Variants in EFCAB6 observed in about 807,000 individuals in gnomAD.
EFCAB6 encodes EF-hand calcium-binding domain-containing protein 6.
A neutral mutation model predicts 169.8 loss-of-function variants in EFCAB6; 156 were observed. The ratio of observed to expected loss-of-function variants is 0.92; its 90% CI spans 0.81 to 1.05. The LOEUF (loss-of-function observed/expected upper bound fraction) is 1.05. EFCAB6 is among the 50% of genes least tolerant of loss of function. The probability of loss-of-function intolerance (pLI) is 0.00; values close to 1 mark genes in which losing one functional copy is unlikely to be tolerated. For missense variants in EFCAB6, 1,800 were observed against 1,829.1 expected, an observed-to-expected ratio of 0.98 and a Z score of 0.29; for synonymous variants, 698 against 676.4, an observed-to-expected ratio of 1.03 and a Z score of -0.50.
At chr22:43,689,311 C>T (rs1377827174) in intron 10 of EFCAB6, among the ~76,000 whole-genome samples, 1 of 150,706 alleles carries the variant, frequency 6.6e-6, no homozygotes, top group African/African-American at 2.5e-5. Flanking sequence ...AGACGTGAGC[C>T]ACGCGAGGGA....
At position 43,640,074 on chromosome 22, in the gene EFCAB6, T is replaced by G. The variant is rs566285146; in HGVS notation, c.1984-4858A>C. 2.8e-3 allele frequency among the ~76,000 whole-genome samples: 433 copies of G among 152,284 alleles called. 2 individuals carry two copies. The highest frequency in any genetic ancestry group is 0.027 in the Middle Eastern group (8 of 294). On this transcript the variant is annotated intron_variant, in intron 17 of 31. Coordinates refer to ENST00000262726, the MANE Select transcript of EFCAB6 (RefSeq NM_022785.4). ...TATTTTCCTTTGTATCACTGAGCAT[T>G]TTTATAATGGTTACTTTAAAGTCTT...
At chr22:43,705,127 A>G (rs1199524155) in intron 10 of EFCAB6, among the ~76,000 whole-genome samples, 1 of 152,154 alleles carries the variant, frequency 6.6e-6, no homozygotes, top group Non-Finnish European at 1.5e-5. Flanking sequence ...TGTAAAAAGA[A>G]ACAAAGGACA....
Position 43,812,239 on chromosome 22 carries a change from T to C in EFCAB6, c.-216A>G, listed in dbSNP as rs761885143. 10 of 152,392 alleles carry C rather than the reference T, an allele frequency of 6.6e-5. No homozygotes were observed. The highest frequency in any genetic ancestry group is 2.0e-4 in the Admixed American group (3 of 15,306). The allele number at this position is 152,392 out of a possible 1,614,324, so 9.4% of individuals were successfully genotyped here. On this transcript the variant is annotated 5_prime_UTR_variant, in exon 1 of 32. Transcript: ENST00000262726. ...TGCGCGGACCCCAAGCCGCGGGGTC[T>C]CAGAGGGGCTGCCCATTCGGCGTCT... is the stretch of plus-strand genomic sequence containing the variant.
chr22:43,719,494 T>C (rs143439208), intron 8 of EFCAB6, among the ~76,000 whole-genome samples: 52 of 152,276 alleles, frequency 3.4e-4, no homozygotes, highest in African/African-American at 1.2e-3. Flanking sequence ...TTAGCAAAAT[T>C]AATAGAACAC....
intron 2 of EFCAB6, among the ~76,000 whole-genome samples, chr22:43,799,786 TG>T (rs2062638849): frequency 6.6e-6 from 1 of 152,178 alleles, no homozygotes; most frequent in Non-Finnish European, 1.5e-5. Context: ...AAACAGATCT[TG>T]GGGCCACAGC....
chr22:43,534,643 C>A, intron 30 of EFCAB6, 45 bp downstream of exon 30: 2 of 1,539,748 alleles, frequency 1.3e-6, no homozygotes, highest in East Asian at 4.6e-5. Context: ...AATGAAAGCG[C>A]CCCTTTCCAC....
chr22:43,777,304 T>C (rs1225803902), intron 3 of EFCAB6, among the ~76,000 whole-genome samples: 2 of 152,114 alleles, frequency 1.3e-5, no homozygotes, highest in East Asian at 3.9e-4. Flanking sequence ...GGATATACGA[T>C]CGGGAGCTTA....
At chr22:43,783,522 T>C (rs1459199819) in intron 2 of EFCAB6, among the ~76,000 whole-genome samples, 1 of 152,106 alleles carries the variant, frequency 6.6e-6, no homozygotes, top group Non-Finnish European at 1.5e-5. Context: ...AATGCTCCAA[T>C]ACAAAAAGCC....
chr22:43,633,291 T>A (rs914108043), intron 18 of EFCAB6, among the ~76,000 whole-genome samples: 3 of 152,248 alleles, frequency 2.0e-5, no homozygotes, highest in African/African-American at 7.2e-5. Context: ...GGCTCACGCC[T>A]GTAATCCCAG....
intron 28 of EFCAB6, among the ~76,000 whole-genome samples, chr22:43,539,836 G>A (rs1023632964): frequency 2.6e-5 from 4 of 152,228 alleles, no homozygotes; most frequent in Non-Finnish European, 5.9e-5. Context: ...CCACTGCACT[G>A]CGGACAGGTG....
At chr22:43,565,374 A>C (rs953139710) in intron 26 of EFCAB6, among the ~76,000 whole-genome samples, 3 of 152,232 alleles carry the variant, frequency 2.0e-5, no homozygotes, top group Non-Finnish European at 4.4e-5. Flanking sequence ...TGCTTGTTAC[A>C]TAGTGATAGC....
At chr22:43,674,553 T>C (rs182671989) in intron 13 of EFCAB6, among the ~76,000 whole-genome samples, 2 of 152,188 alleles carry the variant, frequency 1.3e-5, no homozygotes, top group African/African-American at 4.8e-5. Context: ...CCTGAGGAAC[T>C]GGATAAGGAG....
intron 20 of EFCAB6, among the ~76,000 whole-genome samples, chr22:43,623,498 A>G (rs1302412770): frequency 6.6e-6 from 1 of 152,126 alleles, no homozygotes; most frequent in East Asian, 1.9e-4. Context: ...AAAGTTATGA[A>G]CTCTCAACAT....
At chr22:43,755,624 G>A (rs1366971100) in intron 6 of EFCAB6, 142 bp downstream of exon 6, 1 of 742,698 alleles carries the variant, frequency 1.3e-6, no homozygotes, top group African/African-American at 1.8e-5. Flanking sequence ...CTTGTTATCA[G>A]AAGATCTATT....
chr22:43,635,034 C>A, intron 18 of EFCAB6, 68 bp downstream of exon 18: 1 of 1,342,396 alleles, frequency 7.4e-7, no homozygotes, highest in Non-Finnish European at 1.1e-6. Flanking sequence ...CCTGGTGGCA[C>A]TGCTAGCAAA....
chr22:43,784,676 T>TACACAC lies in EFCAB6; in HGVS notation c.-7-2357_-7-2352dup, dbSNP rs571679900. On this transcript the variant is annotated intron_variant, in intron 2 of 31. Coordinates refer to ENST00000262726, the MANE Select transcript of EFCAB6 (RefSeq NM_022785.4). Reference sequence around the variant, plus strand: ...ATGTGTATATATACATATACATATATACACACACACACACACACACACACA... The same window carrying TACACAC: ...ATGTGTATATATACATATACATATATACACACACACACACACACACACACACACACA... Among the ~76,000 whole-genome samples, 115 of 63,112 alleles carry TACACAC rather than the reference T, an allele frequency of 1.8e-3. 2 individuals carry two copies. The highest frequency in any genetic ancestry group is 7.8e-3 in the Middle Eastern group (1 of 128). The allele number at this position is 63,112 out of a possible 152,430, so 41.4% of individuals were successfully genotyped here.
chr22:43,766,243 G>A (rs140490594), intron 4 of EFCAB6, among the ~76,000 whole-genome samples: 1,878 of 152,212 alleles, frequency 0.012, 20 homozygotes, highest in Non-Finnish European at 0.017. Context: ...AGGCTGGCCA[G>A]GATGGTCTTG....
intron 4 of EFCAB6, among the ~76,000 whole-genome samples, chr22:43,768,151 T>G (rs566169240): frequency 6.6e-6 from 1 of 152,326 alleles, no homozygotes; most frequent in Admixed American, 6.5e-5. Flanking sequence ...TCCATTAATA[T>G]TCAGGGACTG....
At chr22:43,558,419 T>C (rs1053234435) in intron 26 of EFCAB6, among the ~76,000 whole-genome samples, 1 of 152,220 alleles carries the variant, frequency 6.6e-6, no homozygotes, top group Non-Finnish European at 1.5e-5. Flanking sequence ...TCATTTTTTT[T>C]TTTGCGCTTT....
Sources: gnomAD v4.1 joint callset for allele counts (sites outside exome capture counted in the v4.1 genomes callset) on GRCh38, gnomAD v4.1.1 for gene constraint, MANE v1.5 for transcripts, NCBI Gene and HGNC (gene_info 2026-07-23, HGNC 2026-07-21) for gene names.